Variants in RANBP2 observed in about 807,000 individuals in gnomAD.
The protein encoded by RANBP2 is RAN binding protein 2, also known as E3 SUMO-protein ligase RanBP2.
RANBP2 carries 57 observed loss-of-function variants against 303.6 expected under a neutral mutation model. The ratio of observed to expected loss-of-function variants is 0.19; its 90% CI spans 0.15 to 0.23. RANBP2 has a LOEUF of 0.23. Ranked by LOEUF, RANBP2 falls within the 10% of genes least tolerant of loss-of-function variation. The pLI is 1.00. For synonymous variants in RANBP2, 1,167 were observed against 1,301.5 expected (o/e 0.90, Z 2.23); for missense variants, 3,138 against 3,780.8 (o/e 0.83, Z 4.46).
the RANBP2 span, among the ~76,000 whole-genome samples, chr2:109,625,081 C>CAAAAA: frequency 4.3e-5 from 2 of 46,354 alleles, no homozygotes; most frequent in African/African-American, 9.1e-5. Context: ...ACAACAACAA[C>CAAAAA]AACAACAAAA....
At chr2:109,381,054 G>A in the RANBP2 span, among the ~76,000 whole-genome samples, 1 of 152,374 alleles carries the variant, frequency 6.6e-6, no homozygotes, top group South Asian at 2.1e-4. Context: ...GTCAGGAAGA[G>A]GGCTTCCTCC....
At position 108,784,051 on chromosome 2, in the gene RANBP2, AAT is replaced by A. The variant is rs1212226090; in HGVS notation, c.*151_*152del. On this transcript the variant is annotated 3_prime_UTR_variant, in exon 29 of 29. Transcript: ENST00000283195. ...CAGCTTATAGCTGTTGTCACTTTTT[AAT>A]GTGTTATAATTGACCTTGCATGGTG... The A allele has an allele frequency of 1.3e-5, 9 of 714,704 alleles. No homozygotes were observed. Among genetic ancestry groups the A allele is most frequent in the Non-Finnish European group, 2.0e-5 (9 of 439,372 alleles). The allele number at this position is 714,704 out of a possible 1,614,324, so 44.3% of individuals were successfully genotyped here. A position where few individuals can be genotyped will look rare whatever the true frequency, so the allele number is the denominator to read the frequency against.
chr2:109,360,344 A>G, the RANBP2 span, among the ~76,000 whole-genome samples: 10 of 152,352 alleles, frequency 6.6e-5, no homozygotes, highest in African/African-American at 2.4e-4. Flanking sequence ...AGTGAGGCTG[A>G]TGCCAAACAA....
the RANBP2 span, among the ~76,000 whole-genome samples, chr2:109,387,296 G>T: frequency 0.5 from 76,647 of 152,088 alleles, 19,794 homozygotes; most frequent in South Asian, 0.58. Context: ...CTCAGCGCCA[G>T]GGCCGGGGGA....
At chr2:109,087,193 C>T in the RANBP2 span, among the ~76,000 whole-genome samples, 4 of 152,132 alleles carry the variant, frequency 2.6e-5, no homozygotes, top group South Asian at 4.1e-4. Flanking sequence ...GGGAGCTGGA[C>T]GTGGCCATTG....
the RANBP2 span, among the ~76,000 whole-genome samples, chr2:109,041,278 C>G: frequency 6.6e-6 from 1 of 152,042 alleles, no homozygotes; most frequent in Admixed American, 6.6e-5. Flanking sequence ...GTAGTTTCTT[C>G]CCCCTGCTCT....
At chr2:109,124,920 CTTTG>C in the RANBP2 span, among the ~76,000 whole-genome samples, 4 of 152,172 alleles carry the variant, frequency 2.6e-5, no homozygotes, top group African/African-American at 7.2e-5. Flanking sequence ...TATAGAGGGG[CTTTG>C]TTTATCGTAA....
At chr2:109,690,734 C>A in the RANBP2 span, among the ~76,000 whole-genome samples, 1 of 151,890 alleles carries the variant, frequency 6.6e-6, no homozygotes, top group Non-Finnish European at 1.5e-5. Context: ...CTGAGAAACA[C>A]CTTGGGTATG....
chr2:109,704,411 G>A, the RANBP2 span, among the ~76,000 whole-genome samples: 1 of 152,100 alleles, frequency 6.6e-6, no homozygotes, highest in Non-Finnish European at 1.5e-5. Flanking sequence ...TTAGCTGGGT[G>A]TGGTGGCACG....
chr2:109,220,910 A>G, the RANBP2 span, among the ~76,000 whole-genome samples: 2 of 152,234 alleles, frequency 1.3e-5, no homozygotes, highest in African/African-American at 4.8e-5. Context: ...CAGCAGTTCT[A>G]TTCCTAGGCT....
the RANBP2 span, among the ~76,000 whole-genome samples, chr2:109,484,648 T>C: frequency 1.3e-5 from 2 of 152,198 alleles, no homozygotes; most frequent in East Asian, 3.8e-4. Context: ...ATTGCAACTT[T>C]CTCCTTTTTA....
At chr2:109,169,159 C>T in the RANBP2 span, among the ~76,000 whole-genome samples, 1 of 152,206 alleles carries the variant, frequency 6.6e-6, no homozygotes, top group African/African-American at 2.4e-5. Flanking sequence ...GTCATATGTA[C>T]TATTTAATAA....
the RANBP2 span, among the ~76,000 whole-genome samples, chr2:108,935,296 T>C: frequency 2.6e-5 from 4 of 152,284 alleles, no homozygotes; most frequent in East Asian, 7.7e-4. Flanking sequence ...TACCATGGCT[T>C]AATCCTCACC....
At chr2:109,163,744 A>G in the RANBP2 span, among the ~76,000 whole-genome samples, 2 of 152,186 alleles carry the variant, frequency 1.3e-5, no homozygotes, top group Non-Finnish European at 2.9e-5. Context: ...ACAGTGAGTA[A>G]CTGGAATCGC....
At chr2:108,798,067 GACA>G in the RANBP2 span, among the ~76,000 whole-genome samples, 1 of 151,564 alleles carries the variant, frequency 6.6e-6, no homozygotes, top group African/African-American at 2.4e-5. Flanking sequence ...CAAGGTGATA[GACA>G]ACAAGATGAG....
chr2:108,724,163 T>C (rs1694509329), intron 1 of RANBP2, among the ~76,000 whole-genome samples: 1 of 152,120 alleles, frequency 6.6e-6, no homozygotes, highest in African/African-American at 2.4e-5. Flanking sequence ...GGTTTTTTTG[T>C]TTGTTTGTTT....
At chr2:109,078,120 CGT>C in the RANBP2 span, among the ~76,000 whole-genome samples, 847 of 32,568 alleles carry the variant, frequency 0.026, 35 homozygotes, top group Non-Finnish European at 0.031. Flanking sequence ...ATATATATAG[CGT>C]GTATATATAT....
chr2:109,111,360 C>G, the RANBP2 span, among the ~76,000 whole-genome samples: 8 of 152,296 alleles, frequency 5.3e-5, no homozygotes, highest in East Asian at 9.7e-4. Context: ...GTGTTATACA[C>G]CCATTGCACT....
the RANBP2 span, among the ~76,000 whole-genome samples, chr2:109,492,983 A>G: frequency 2.2e-5 from 3 of 133,560 alleles, no homozygotes; most frequent in East Asian, 2.6e-4. Context: ...CTGGGTTCAC[A>G]CTGCACACCA....
Sources: gnomAD v4.1 joint callset for allele counts (sites outside exome capture counted in the v4.1 genomes callset) on GRCh38, gnomAD v4.1.1 for gene constraint, MANE v1.5 for transcripts, NCBI Gene and HGNC (gene_info 2026-07-23, HGNC 2026-07-21) for gene names.